IL1RAPL1: variants seen among roughly 807,000 people sequenced by gnomAD.
IL1RAPL1 encodes the protein interleukin 1 receptor accessory protein like 1.
Under a neutral mutation model 48.4 loss-of-function variants are expected in IL1RAPL1, and 3 were observed. That is an observed-to-expected ratio of 0.06 (90% CI 0.03 to 0.16). The LOEUF is 0.16. IL1RAPL1 is among the 10% of genes least tolerant of loss of function. The probability of loss-of-function intolerance (pLI) is 1.00; values close to 1 mark genes in which losing one functional copy is unlikely to be tolerated. For synonymous variants in IL1RAPL1, 185 were observed against 187.7 expected (o/e 0.99, Z 0.12); for missense variants, 349 against 530.6 (o/e 0.66, Z 3.36).
chrX:29,172,149 T>A (rs1289584955), intron 2 of IL1RAPL1, among the ~76,000 whole-genome samples: 1 of 112,747 alleles, frequency 8.9e-6, no homozygotes, highest in Non-Finnish European at 1.9e-5. Context: ...TTAAGTTAGC[T>A]GTGAACTGAA....
intron 2 of IL1RAPL1, among the ~76,000 whole-genome samples, chrX:29,235,847 T>A (rs987837831): frequency 1.8e-5 from 2 of 112,134 alleles, no homozygotes; most frequent in Non-Finnish European, 3.8e-5. Context: ...GATGTTGATG[T>A]TAAAACTGGT....
At chrX:28,992,813 T>C (rs750855715) in intron 2 of IL1RAPL1, among the ~76,000 whole-genome samples, 1 of 111,955 alleles carries the variant, frequency 8.9e-6, no homozygotes, top group Non-Finnish European at 1.9e-5. Context: ...TCAGGGAAAC[T>C]AGATGCTCAG....
At chrX:28,774,460 C>G (rs990001200) in intron 1 of IL1RAPL1, among the ~76,000 whole-genome samples, 1 of 111,270 alleles carries the variant, frequency 9.0e-6, no homozygotes, top group Admixed American at 9.6e-5. Context: ...CTGATTGGGG[C>G]AGGACCCACT....
At chrX:29,734,399 C>T (rs1263058521) in intron 6 of IL1RAPL1, among the ~76,000 whole-genome samples, 1 of 112,088 alleles carries the variant, frequency 8.9e-6, no homozygotes, top group Non-Finnish European at 1.9e-5. Flanking sequence ...TTAGAGCTCT[C>T]TCTGGTTAAA....
chrX:29,839,704 C>T (rs1385092229), intron 6 of IL1RAPL1, among the ~76,000 whole-genome samples: 1 of 111,988 alleles, frequency 8.9e-6, no homozygotes, highest in African/African-American at 3.2e-5. Flanking sequence ...TCACTTGAGG[C>T]CAGGGGTTCA....
At chrX:28,765,147 C>T (rs1446050218) in intron 1 of IL1RAPL1, among the ~76,000 whole-genome samples, 3 of 46,404 alleles carry the variant, frequency 6.5e-5, no homozygotes, top group African/African-American at 2.8e-4. Context: ...ACACTGGGGC[C>T]TGTTGTGGGG....
At chrX:29,535,690 G>A (rs765657919) in intron 5 of IL1RAPL1, among the ~76,000 whole-genome samples, 1 of 112,066 alleles carries the variant, frequency 8.9e-6, no homozygotes, top group African/African-American at 3.2e-5. Context: ...GAGAAAGGAG[G>A]ATCTCGATAA....
At chrX:29,568,894 CCAGTGT>C (rs1185386529) in intron 5 of IL1RAPL1, among the ~76,000 whole-genome samples, 2 of 110,727 alleles carry the variant, frequency 1.8e-5, no homozygotes, top group Admixed American at 1.9e-4. Context: ...TTTATCCAGC[CCAGTGT>C]CACTTGATTA....
At chrX:28,964,048 A>G (rs752426413) in intron 2 of IL1RAPL1, among the ~76,000 whole-genome samples, 1 of 111,635 alleles carries the variant, frequency 9.0e-6, no homozygotes, top group East Asian at 2.8e-4. Context: ...GAAATTGTTT[A>G]TGAGTGTATA....
intron 5 of IL1RAPL1, among the ~76,000 whole-genome samples, chrX:29,506,438 TCTCCTCCTCCTC>T (rs562607187): frequency 1.1e-5 from 1 of 90,640 alleles, no homozygotes; most frequent in Non-Finnish European, 2.1e-5. Flanking sequence ...TCCTTCTCCT[TCTCCTCCTCCTC>T]CTCCTCCTCC....
chrX:29,398,619 T>C (rs777068200), intron 4 of IL1RAPL1, among the ~76,000 whole-genome samples: 18 of 112,388 alleles, frequency 1.6e-4, no homozygotes, highest in African/African-American at 5.5e-4. Flanking sequence ...TTTTACTAAA[T>C]GCAAAACTAA....
chrX:29,803,086 T>C (rs1171019350), intron 6 of IL1RAPL1, among the ~76,000 whole-genome samples: 2 of 90,203 alleles, frequency 2.2e-5, no homozygotes, highest in African/African-American at 8.2e-5. Context: ...CATATATGTG[T>C]ATATGTATAC....
intron 2 of IL1RAPL1, among the ~76,000 whole-genome samples, chrX:29,104,543 G>A (rs1260312208): frequency 4.5e-5 from 5 of 110,919 alleles, no homozygotes; most frequent in Non-Finnish European, 9.5e-5. Context: ...AAATGAATAA[G>A]ATCTAGTATT....
intron 6 of IL1RAPL1, among the ~76,000 whole-genome samples, chrX:29,912,040 G>A (rs1932760448): frequency 8.9e-6 from 1 of 112,080 alleles, no homozygotes; most frequent in African/African-American, 3.2e-5. Flanking sequence ...AAATAATTTG[G>A]AAGTTTTGAG....
intron 6 of IL1RAPL1, among the ~76,000 whole-genome samples, chrX:29,848,714 C>A (rs931450110): frequency 4.7e-4 from 52 of 111,821 alleles, no homozygotes; most frequent in African/African-American, 1.6e-3. Context: ...GTCAAGAGAG[C>A]TGAGCTCTGG....
intron 2 of IL1RAPL1, among the ~76,000 whole-genome samples, chrX:29,124,086 C>G (rs1315376738): frequency 9.0e-6 from 1 of 111,410 alleles, no homozygotes; most frequent in Admixed American, 9.6e-5. Flanking sequence ...CCCTTCATCA[C>G]TTTTTGGGAT....
chrX:28,902,402 T>C lies in IL1RAPL1; in HGVS notation c.82+112977T>C, dbSNP rs188863939. On this transcript the variant is annotated intron_variant, in intron 2 of 10. Transcript: ENST00000378993. ...GAAGTTGTCATTGGAACTTCTGCTG[T>C]TTCCTACTTCCTAGGGAACCCAGAA... 9.7e-3 allele frequency among the ~76,000 whole-genome samples: 812 copies of C among 83,426 alleles called. 4 individuals carry two copies. The highest frequency in any genetic ancestry group is 0.031 in the African/African-American group (714 of 23,055). 72.4% of individuals were successfully genotyped at this position (83,426 alleles called of 115,157 possible).
chrX:29,392,842 T>C (rs912233352), intron 3 of IL1RAPL1, among the ~76,000 whole-genome samples: 14 of 112,293 alleles, frequency 1.2e-4, no homozygotes, highest in Non-Finnish European at 2.6e-4. Flanking sequence ...ATCTGGATTT[T>C]TAAGCTTCAC....
chrX:29,432,556 T>G (rs1401250204), intron 5 of IL1RAPL1, among the ~76,000 whole-genome samples: 2 of 111,723 alleles, frequency 1.8e-5, no homozygotes, highest in Non-Finnish European at 3.8e-5. Context: ...TGGAATTGAG[T>G]TCTGTCTGTG....
Sources: gnomAD v4.1 joint callset for allele counts (sites outside exome capture counted in the v4.1 genomes callset) on GRCh38, gnomAD v4.1.1 for gene constraint, MANE v1.5 for transcripts, NCBI Gene and HGNC (gene_info 2026-07-23, HGNC 2026-07-21) for gene names.